SEL1L2: variants seen among roughly 807,000 people sequenced by gnomAD.
SEL1L2 encodes the protein SEL1L2 adaptor subunit of SYVN1 ubiquitin ligase.
In SEL1L2, 89 loss-of-function variants were observed where a neutral mutation model predicts 98.8. The ratio of observed to expected loss-of-function variants is 0.90; its 90% CI spans 0.76 to 1.07. The LOEUF is 1.07. Ranked by LOEUF, SEL1L2 falls within the 50% of genes least tolerant of loss-of-function variation. The probability of loss-of-function intolerance (pLI) is 0.00; values close to 1 mark genes in which losing one functional copy is unlikely to be tolerated. For synonymous variants in SEL1L2, 262 were observed against 278.5 expected, an observed-to-expected ratio of 0.94 and a Z score of 0.59; for missense variants, 788 against 812.0, an observed-to-expected ratio of 0.97 and a Z score of 0.36.
At chr20:13,993,897 C>G (rs1310175002), upstream of SEL1L2, among the ~76,000 whole-genome samples, 1 of 152,184 alleles carries the variant, frequency 6.6e-6, no homozygotes, top group Non-Finnish European at 1.5e-5. Context: ...TCAAAGACCT[C>G]TTTCTATTTC....
chr20:13,911,875 T>C (rs762565718), intron 5 of SEL1L2, among the ~76,000 whole-genome samples: 22 of 152,192 alleles, frequency 1.4e-4, no homozygotes, highest in Admixed American at 5.2e-4. Context: ...TTATATCCTT[T>C]GACCAATATC....
rs1990881664 is a variant in SEL1L2 at position 13,865,640 on chromosome 20, G to A, written c.1405-126C>T. 5.6e-6 allele frequency: 4 copies of A among 710,850 alleles called. No homozygotes were observed. The East Asian group carries it at 1.1e-4, about 19-fold the overall frequency. The allele number at this position is 710,850 out of a possible 1,614,324, so 44.0% of individuals were successfully genotyped here. ...GGGAAGGATTTTAGGTCTAAAACAT[G>A]GCTTTTGCAAATTATTTAGGGTAAA... On this transcript the variant is annotated intron_variant, in intron 15 of 19. Transcript: ENST00000284951.
chr20:13,959,063 C>A (rs1012698319), intron 1 of SEL1L2, among the ~76,000 whole-genome samples: 7 of 152,012 alleles, frequency 4.6e-5, no homozygotes, highest in African/African-American at 1.7e-4. Context: ...GGGAAGTTGC[C>A]AAAGAACTTA....
chr20:13,876,719 A>G (rs1046427974), intron 11 of SEL1L2, among the ~76,000 whole-genome samples: 1 of 152,208 alleles, frequency 6.6e-6, no homozygotes, highest in Non-Finnish European at 1.5e-5. Context: ...CCCGGTCTCC[A>G]GTGCTCAACC....
intron 11 of SEL1L2, 140 bp downstream of exon 11, chr20:13,877,380 C>T: frequency 8.6e-6 from 5 of 582,948 alleles, no homozygotes; most frequent in South Asian, 4.7e-5. Flanking sequence ...GCCGTGTTGC[C>T]CAGGCTGGTT....
rs963031753 is a variant in SEL1L2 at position 13,855,141 on chromosome 20, T to A, written c.1818+4121A>T. Reference sequence around the variant, plus strand: ...AGCTGTTCTTTGAAAAATGGACTAGTCTTCAATGGGCATAAATATGGGGTA... The same window carrying A: ...AGCTGTTCTTTGAAAAATGGACTAGACTTCAATGGGCATAAATATGGGGTA... On this transcript the variant is annotated intron_variant, in intron 18 of 19. Transcript: ENST00000284951. Among the ~76,000 whole-genome samples the A allele has an allele frequency of 6.6e-5, 10 of 151,524 alleles. No individual in the cohort carries two copies. In the East Asian group the frequency reaches 1.7e-3, roughly 26 times the overall value.
At chr20:13,940,018 A>C (rs2049680575) in intron 2 of SEL1L2, among the ~76,000 whole-genome samples, 1 of 152,222 alleles carries the variant, frequency 6.6e-6, no homozygotes, top group Admixed American at 6.5e-5. Context: ...CACTCATTCA[A>C]TACATTTATG....
chr20:13,859,536 T>C (rs1989744021), intron 17 of SEL1L2, 102 bp from the exon 18 acceptor site: 2 of 993,352 alleles, frequency 2.0e-6, no homozygotes, highest in Non-Finnish European at 2.9e-6. Flanking sequence ...TTAAAATATA[T>C]ATGTATCTAT....
intron 5 of SEL1L2, among the ~76,000 whole-genome samples, chr20:13,903,281 G>A (rs1175723875): frequency 1.3e-5 from 2 of 152,144 alleles, no homozygotes; most frequent in African/African-American, 4.8e-5. Context: ...ATCTATGGAT[G>A]TGCTATGGTA....
At chr20:13,932,389 TA>T (rs2049182170) in intron 2 of SEL1L2, among the ~76,000 whole-genome samples, 1 of 146,384 alleles carries the variant, frequency 6.8e-6, no homozygotes, top group Non-Finnish European at 1.5e-5. Flanking sequence ...ACTGAAACAT[TA>T]AAATTTTTCC....
chr20:13,966,655 T>G (rs1243747697), intron 1 of SEL1L2, among the ~76,000 whole-genome samples: 1 of 152,080 alleles, frequency 6.6e-6, no homozygotes, highest in African/African-American at 2.4e-5. Flanking sequence ...TTTCATATTT[T>G]CTTATTTAAC....
intron 1 of SEL1L2, among the ~76,000 whole-genome samples, chr20:13,980,069 A>T (rs112892594): frequency 1.4e-4 from 21 of 152,364 alleles, no homozygotes; most frequent in African/African-American, 5.0e-4. Context: ...TTCTTGAAAG[A>T]AGACATACAA....
intron 1 of SEL1L2, among the ~76,000 whole-genome samples, chr20:13,984,450 T>G (rs1281619909): frequency 6.6e-6 from 1 of 152,244 alleles, no homozygotes; most frequent in African/African-American, 2.4e-5. Context: ...GCAATTTCTA[T>G]GTTCTTAGTA....
chr20:13,890,884 AG>A (rs2047177500), intron 5 of SEL1L2, among the ~76,000 whole-genome samples: 1 of 152,202 alleles, frequency 6.6e-6, no homozygotes, highest in Non-Finnish European at 1.5e-5. Context: ...AATGCACTAA[AG>A]GAATTCAATA....
chr20:13,987,692 T>G (rs1158440386), intron 1 of SEL1L2, among the ~76,000 whole-genome samples: 1 of 152,188 alleles, frequency 6.6e-6, no homozygotes, highest in African/African-American at 2.4e-5. Context: ...GTGGGTGTGA[T>G]GTGATAACTC....
intron 17 of SEL1L2, among the ~76,000 whole-genome samples, chr20:13,860,583 ACTC>A (rs1833446790): frequency 6.6e-6 from 1 of 150,768 alleles, no homozygotes; most frequent in Non-Finnish European, 1.5e-5. Flanking sequence ...CTCTTGTCTG[ACTC>A]CTCTGCCCAC....
chr20:13,865,147 T>A lies in SEL1L2; in HGVS notation c.1645+20A>T, dbSNP rs371061975. 1 of 1,600,314 alleles carries A rather than the reference T, an allele frequency of 6.2e-7. No individual in the cohort carries two copies. The highest frequency in any genetic ancestry group is 8.6e-7 in the Non-Finnish European group (1 of 1,169,462). On this transcript the variant is annotated intron_variant, in intron 17 of 19. Coordinates refer to ENST00000284951, the MANE Select transcript of SEL1L2 (RefSeq NM_025229.2). ...AGGACAGGGACCGGGTATGTGCTTA[T>A]TTTTATCTGGGTTCCATACCTTGAA...
chr20:13,992,476 C>T (rs977797331), upstream of SEL1L2, among the ~76,000 whole-genome samples: 30 of 152,024 alleles, frequency 2.0e-4, no homozygotes, highest in African/African-American at 7.3e-4. Flanking sequence ...TGCATTCCAG[C>T]CTGGGCAACA....
At chr20:13,914,225 A>G (rs540557290) in intron 4 of SEL1L2, among the ~76,000 whole-genome samples, 3 of 152,332 alleles carry the variant, frequency 2.0e-5, no homozygotes, top group South Asian at 2.1e-4. Context: ...AAGATACACC[A>G]TCTTATACAC....
Sources: allele counts gnomAD v4.1 joint callset (sites outside exome capture counted in the v4.1 genomes callset), GRCh38; gene constraint gnomAD v4.1.1; transcripts MANE v1.5; gene names NCBI Gene and HGNC (gene_info 2026-07-23, HGNC 2026-07-21).